The following BMAL1 variants were observed in gnomAD, a reference collection of about 807,000 sequenced individuals.
BMAL1 encodes the protein basic helix-loop-helix ARNT-like protein 1.
At chr11:13,296,132 A>G in the BMAL1 span, among the ~76,000 whole-genome samples, 1 of 152,076 alleles carries the variant, frequency 6.6e-6, no homozygotes, top group Non-Finnish European at 1.5e-5. Context: ...CTTCTTTGTC[A>G]GGTCTAGAGG....
At chr11:13,277,486 C>T in the BMAL1 span, among the ~76,000 whole-genome samples, 1 of 152,060 alleles carries the variant, frequency 6.6e-6, no homozygotes, top group Non-Finnish European at 1.5e-5. Flanking sequence ...CGCTCCTGTG[C>T]GCCAAATGAT....
At chr11:13,293,199 G>C in the BMAL1 span, among the ~76,000 whole-genome samples, 1 of 152,106 alleles carries the variant, frequency 6.6e-6, no homozygotes, top group African/African-American at 2.4e-5. Flanking sequence ...ACTAAGCAGT[G>C]GGGGGCACCC....
At chr11:13,314,757 G>T in the BMAL1 span, among the ~76,000 whole-genome samples, 1 of 152,130 alleles carries the variant, frequency 6.6e-6, no homozygotes. Flanking sequence ...ATCCAGCTGA[G>T]AATGCTTTTC....
At chr11:13,297,534 G>T in the BMAL1 span, among the ~76,000 whole-genome samples, 9 of 152,254 alleles carry the variant, frequency 5.9e-5, no homozygotes, top group African/African-American at 1.9e-4. Context: ...CAGCTTGAGG[G>T]CTGCTGGTGG....
chr11:13,385,634 T>G, the BMAL1 span: 2 of 1,347,518 alleles, frequency 1.5e-6, no homozygotes, highest in Non-Finnish European at 2.1e-6. Context: ...ATTTTCCTTT[T>G]GGCATTGCTC....
the BMAL1 span, chr11:13,381,284 G>C: frequency 6.2e-7 from 1 of 1,606,768 alleles, no homozygotes; most frequent in Non-Finnish European, 8.5e-7. Flanking sequence ...GCCTAAGCTA[G>C]AGAACCTCTT....
the BMAL1 span, among the ~76,000 whole-genome samples, chr11:13,282,936 T>G: frequency 6.6e-6 from 1 of 152,164 alleles, no homozygotes; most frequent in Non-Finnish European, 1.5e-5. Context: ...GCACACTGCA[T>G]AGAGGTGGGG....
At chr11:13,337,736 G>T in the BMAL1 span, among the ~76,000 whole-genome samples, 1 of 152,064 alleles carries the variant, frequency 6.6e-6, no homozygotes, top group Non-Finnish European at 1.5e-5. Context: ...ATCTTTTGGG[G>T]TTTCCTATTC....
At chr11:13,294,213 C>A in the BMAL1 span, among the ~76,000 whole-genome samples, 8 of 151,978 alleles carry the variant, frequency 5.3e-5, no homozygotes, top group African/African-American at 1.7e-4. Context: ...TGGAACTCTG[C>A]GGAGTGTTTT....
chr11:13,350,007 A>T, the BMAL1 span: 2 of 152,214 alleles, frequency 1.3e-5, no homozygotes, highest in Non-Finnish European at 2.9e-5. Context: ...CTTTGAGGTG[A>T]CCAAGTCCAG....
chr11:13,294,296 T>C, the BMAL1 span, among the ~76,000 whole-genome samples: 3 of 152,212 alleles, frequency 2.0e-5, no homozygotes, highest in Non-Finnish European at 4.4e-5. Context: ...TTTTAAAATC[T>C]CATGCATGGA....
At chr11:13,351,840 T>A in the BMAL1 span, among the ~76,000 whole-genome samples, 1 of 152,090 alleles carries the variant, frequency 6.6e-6, no homozygotes, top group Non-Finnish European at 1.5e-5. Context: ...TTTATGGGAA[T>A]GATGGGGAGA....
At chr11:13,354,579 G>A in the BMAL1 span, 6 of 1,306,568 alleles carry the variant, frequency 4.6e-6, no homozygotes, top group East Asian at 7.7e-5. Flanking sequence ...TCTAGGTGGC[G>A]ACACAGTTGG....
chr11:13,385,821 C>G, the BMAL1 span: 2 of 1,528,046 alleles, frequency 1.3e-6, no homozygotes, highest in Non-Finnish European at 1.8e-6. Context: ...GTTTCCATTG[C>G]AATGAGCTTG....
the BMAL1 span, among the ~76,000 whole-genome samples, chr11:13,344,071 A>T: frequency 6.6e-6 from 1 of 152,134 alleles, no homozygotes; most frequent in Non-Finnish European, 1.5e-5. Flanking sequence ...AGACTGAAGT[A>T]CCACTGCATA....
chr11:13,375,755 G>A, the BMAL1 span: 1 of 1,561,206 alleles, frequency 6.4e-7, no homozygotes, highest in Non-Finnish European at 8.6e-7. Flanking sequence ...AACTAACACT[G>A]TTGTTTTGTA....
At chr11:13,381,273 A>G in the BMAL1 span, 1 of 1,611,340 alleles carries the variant, frequency 6.2e-7, no homozygotes, top group Non-Finnish European at 8.5e-7. Flanking sequence ...GATGATTCTT[A>G]GCCTAAGCTA....
chr11:13,286,379 A>T, the BMAL1 span, among the ~76,000 whole-genome samples: 3 of 152,190 alleles, frequency 2.0e-5, no homozygotes, highest in Non-Finnish European at 2.9e-5. Flanking sequence ...GAGTGGGGAA[A>T]ACTCTGGACT....
the BMAL1 span, chr11:13,309,890 G>A: frequency 1.3e-5 from 2 of 152,636 alleles, no homozygotes; most frequent in Non-Finnish European, 2.9e-5. Flanking sequence ...GGATTTTCTA[G>A]GCAAAGAAGC....
Sources: gnomAD v4.1 joint callset for allele counts (sites outside exome capture counted in the v4.1 genomes callset) on GRCh38, gnomAD v4.1.1 for gene constraint, MANE v1.5 for transcripts, NCBI Gene and HGNC (gene_info 2026-07-23, HGNC 2026-07-21) for gene names.